The following YES1 variants were observed in gnomAD, a reference collection of about 807,000 sequenced individuals.
YES1 encodes the protein tyrosine-protein kinase Yes.
YES1 carries 39 observed loss-of-function variants against 70.4 expected under a neutral mutation model. The ratio of observed to expected loss-of-function variants is 0.55; its 90% CI spans 0.43 to 0.72. YES1 has a LOEUF of 0.72. YES1 is among the 30% of genes least tolerant of loss of function. The pLI is 0.00. For missense variants in YES1, 495 were observed against 644.8 expected (o/e 0.77, Z 2.52); for synonymous variants, 198 against 218.6 (o/e 0.91, Z 0.83).
chr18:738,166 G>A (rs1272051632), intron 9 of YES1: 1 of 151,850 alleles, frequency 6.6e-6, no homozygotes, highest in Non-Finnish European at 1.5e-5. Context: ...TCAGTATAAA[G>A]CTTTTCTGAA....
chr18:793,904 G>A (rs1416311287), intron 1 of YES1, among the ~76,000 whole-genome samples: 1 of 152,112 alleles, frequency 6.6e-6, no homozygotes, highest in East Asian at 1.9e-4. Flanking sequence ...AGTTGACTAA[G>A]ATAATCCATA....
chr18:755,241 T>C (rs528000744), intron 2 of YES1, among the ~76,000 whole-genome samples: 1 of 151,110 alleles, frequency 6.6e-6, no homozygotes, highest in East Asian at 1.9e-4. Flanking sequence ...GGCAGTCCTC[T>C]GGCCATTGCC....
chr18:794,805 G>A (rs1906454861), intron 1 of YES1, among the ~76,000 whole-genome samples: 1 of 151,866 alleles, frequency 6.6e-6, no homozygotes, highest in African/African-American at 2.4e-5. Flanking sequence ...TCACATGTGG[G>A]TTTTTGGTTT....
intron 1 of YES1, among the ~76,000 whole-genome samples, chr18:785,778 G>GAA (rs35217977): frequency 1.1e-3 from 149 of 135,626 alleles, no homozygotes; most frequent in Middle Eastern, 7.5e-3. Flanking sequence ...TCTACAAAAG[G>GAA]AAAAAAAAAA....
At chr18:759,940 A>T (rs1005447100) in intron 1 of YES1, among the ~76,000 whole-genome samples, 1 of 139,834 alleles carries the variant, frequency 7.2e-6, no homozygotes, top group Non-Finnish European at 1.5e-5. Flanking sequence ...ATTCCCACCT[A>T]TGAGTGAGAA....
chr18:729,828 T>C (rs976860030), intron 11 of YES1, among the ~76,000 whole-genome samples: 4 of 152,074 alleles, frequency 2.6e-5, no homozygotes. Context: ...GGTTTTACCA[T>C]CTTGGCCAGG....
intron 1 of YES1, among the ~76,000 whole-genome samples, chr18:805,048 AT>A (rs1278400004): frequency 6.6e-6 from 1 of 152,198 alleles, no homozygotes; most frequent in Non-Finnish European, 1.5e-5. Context: ...CTTATATCTA[AT>A]GTGATTCCAA....
intron 1 of YES1, among the ~76,000 whole-genome samples, chr18:763,954 T>C (rs533796541): frequency 2.0e-5 from 3 of 151,636 alleles, no homozygotes; most frequent in South Asian, 4.2e-4. Context: ...AACCCGTTTC[T>C]ACAAAAAATA....
intron 1 of YES1, chr18:787,988 T>C (rs973178958): frequency 6.6e-6 from 1 of 152,172 alleles, no homozygotes; most frequent in African/African-American, 2.4e-5. Flanking sequence ...GCATCAACGC[T>C]GGGAGACAGG....
Position 757,315 on chromosome 18 carries a change from A to C in YES1, c.-8-480T>G, listed in dbSNP as rs900144666. On this transcript the variant is annotated intron_variant, in intron 1 of 11. Coordinates refer to ENST00000314574, the MANE Select transcript of YES1 (RefSeq NM_005433.4). ...TCAGGAGATTGAGACCATCCTGGCTAACACGGTGAAACCCCGCCTCTACTA... is the reference window on the plus strand; with the variant it reads ...TCAGGAGATTGAGACCATCCTGGCTCACACGGTGAAACCCCGCCTCTACTA... Among the ~76,000 whole-genome samples the C allele has an allele frequency of 4.6e-5, 7 of 151,670 alleles. No individual in the cohort carries two copies. The South Asian group carries it at 1.5e-3, about 32-fold the overall frequency.
At chr18:766,575 C>A (rs1341895090) in intron 1 of YES1, among the ~76,000 whole-genome samples, 2 of 151,664 alleles carry the variant, frequency 1.3e-5, no homozygotes, top group African/African-American at 4.8e-5. Flanking sequence ...AGATAATCAT[C>A]AACTTCATTC....
chr18:726,958 A>G (rs2080028279), intron 11 of YES1, among the ~76,000 whole-genome samples: 1 of 152,192 alleles, frequency 6.6e-6, no homozygotes, highest in Non-Finnish European at 1.5e-5. Context: ...CTGTAAGAAC[A>G]GTAGGCAATG....
In YES1 at chr18:722,613, C is replaced by T. The variant is rs937066355; in HGVS notation, c.*1811G>A. The T allele has an allele frequency of 6.6e-5, 10 of 152,238 alleles. No individual in the cohort carries two copies. Among genetic ancestry groups the T allele is most frequent in the African/African-American group, 2.4e-4 (10 of 41,432 alleles). 9.4% of individuals were successfully genotyped at this position (152,238 alleles called of 1,614,324 possible). A position where few individuals can be genotyped will look rare whatever the true frequency, so the allele number is the denominator to read the frequency against. On this transcript the variant is annotated 3_prime_UTR_variant, in exon 12 of 12. Coordinates refer to ENST00000314574, the MANE Select transcript of YES1 (RefSeq NM_005433.4). Reference sequence around the variant, plus strand: ...AAACCACTAATGCTGCTATTCAAATCTGTATTTTGAAATTACTGAGTTACT... The same window carrying T: ...AAACCACTAATGCTGCTATTCAAATTTGTATTTTGAAATTACTGAGTTACT...
intron 11 of YES1, among the ~76,000 whole-genome samples, chr18:728,996 G>T (rs2080054220): frequency 6.6e-6 from 1 of 152,122 alleles, no homozygotes; most frequent in South Asian, 2.1e-4. Flanking sequence ...ATCATATTTA[G>T]AAGATTTTTA....
At position 751,691 on chromosome 18, in the gene YES1, TTCA is replaced by T. The variant is rs754804088; in HGVS notation, c.371+11_371+13del. On this transcript the variant is annotated intron_variant, in intron 3 of 11. Coordinates refer to ENST00000314574, the MANE Select transcript of YES1 (RefSeq NM_005433.4). Reference sequence around the variant, plus strand: ...CTGTCAGTATTTCTCTCACAAAATATTCATGACACTTACGTATTGTTAATTATT... The same window carrying T: ...CTGTCAGTATTTCTCTCACAAAATATTGACACTTACGTATTGTTAATTATT... The T allele has an allele frequency of 2.0e-6, 3 of 1,473,556 alleles. No individual in the cohort carries two copies. In the African/African-American group the frequency reaches 4.2e-5, roughly 21 times the overall value. 91.3% of individuals were successfully genotyped at this position (1,473,556 alleles called of 1,614,324 possible).
At chr18:761,601 C>T (rs757760862) in intron 1 of YES1, among the ~76,000 whole-genome samples, 1 of 152,186 alleles carries the variant, frequency 6.6e-6, no homozygotes, top group Non-Finnish European at 1.5e-5. Context: ...CTTTTCTCCT[C>T]ACCCTATCAA....
intron 1 of YES1, among the ~76,000 whole-genome samples, chr18:798,983 C>T (rs1906681107): frequency 6.6e-6 from 1 of 152,172 alleles, no homozygotes; most frequent in African/African-American, 2.4e-5. Flanking sequence ...TAGCAAATAT[C>T]TTTATAGCTT....
At chr18:778,864 T>C (rs1287408765) in intron 1 of YES1, among the ~76,000 whole-genome samples, 1 of 152,164 alleles carries the variant, frequency 6.6e-6, no homozygotes, top group Non-Finnish European at 1.5e-5. Context: ...CTTTGTCTTG[T>C]AAAAGCAAAC....
intron 2 of YES1, among the ~76,000 whole-genome samples, chr18:755,258 T>TC (rs901434715): frequency 6.6e-6 from 1 of 151,998 alleles, no homozygotes; most frequent in Non-Finnish European, 1.5e-5. Context: ...TGCCTTTTTT[T>TC]TTTTTTTGGA....
Sources: gnomAD v4.1 joint callset for allele counts (sites outside exome capture counted in the v4.1 genomes callset) on GRCh38, gnomAD v4.1.1 for gene constraint, MANE v1.5 for transcripts, NCBI Gene and HGNC (gene_info 2026-07-23, HGNC 2026-07-21) for gene names.